ACP3: variants seen among roughly 807,000 people sequenced by gnomAD.
The protein encoded by ACP3 is acid phosphatase 3, also known as prostatic acid phosphatase.
A neutral mutation model predicts 45.6 loss-of-function variants in ACP3; 38 were observed. The observed-to-expected ratio is 0.83, with a 90% CI of 0.64 to 1.09. The LOEUF (loss-of-function observed/expected upper bound fraction) is 1.09, where lower values mean the gene tolerates loss of function less well. ACP3 is among the 50% of genes least tolerant of loss of function. The probability of loss-of-function intolerance (pLI) is 0.00; values close to 1 mark genes in which losing one functional copy is unlikely to be tolerated. For synonymous variants in ACP3, 162 were observed against 164.7 expected (o/e 0.98, Z 0.13); for missense variants, 466 against 463.2 (o/e 1.01, Z -0.05).
At chr3:132,360,922 A>G (rs988315080), downstream of ACP3, among the ~76,000 whole-genome samples, 1 of 152,204 alleles carries the variant, frequency 6.6e-6, no homozygotes, top group African/African-American at 2.4e-5. Context: ...CTAACTGAAT[A>G]CATGTCCAGC....
rs755615131 is a variant in ACP3 at position 132,317,525 on chromosome 3, T to C, written c.69T>C (p.Phe23=). 8.7e-6 allele frequency: 14 copies of C among 1,613,732 alleles called. No individual in the cohort carries two copies. The highest frequency in any genetic ancestry group is 1.2e-5 in the Non-Finnish European group (14 of 1,179,882). The change falls in exon 1 of 10, where the codon TTT becomes TTC. Residue 23 remains phenylalanine (F), a synonymous_variant. Transcript: ENST00000336375. The part of the protein sequence containing the change: ...SLSLGFLFLL[F]FWLDRSVLAK... ...GCCTTGGCTTCTTGTTTCTGCTTTT[T>C]TTCTGGCTAGACCGAAGTGTACTAG...
rs150662492 is a variant in ACP3, at chr3:132,331,773, A to T, written c.303+40A>T. 1,809 of 1,471,648 alleles carry T rather than the reference A, an allele frequency of 1.2e-3. 16 individuals are homozygous for T. In the African/African-American group the frequency reaches 0.022, roughly 18 times the overall value. The allele number at this position is 1,471,648 out of a possible 1,614,324, so 91.2% of individuals were successfully genotyped here. A position where few individuals can be genotyped will look rare whatever the true frequency, so the allele number is the denominator to read the frequency against. On this transcript the variant is annotated intron_variant, in intron 3 of 9. Transcript: ENST00000336375. ...CAAGAGTGGGAACTTTGATCTTTGA[A>T]ATAATTAAAATAATTCTGCATATAT... is the stretch of plus-strand genomic sequence containing the variant.
At chr3:132,363,942 A>C (rs1353215816) in intron 10 of ACP3, among the ~76,000 whole-genome samples, 1 of 152,162 alleles carries the variant, frequency 6.6e-6, no homozygotes, top group Admixed American at 6.5e-5. Context: ...ATCTCAAAAA[A>C]TAAATAAATA....
At chr3:132,336,742 G>GA (rs900339845) in intron 4 of ACP3, among the ~76,000 whole-genome samples, 8 of 151,438 alleles carry the variant, frequency 5.3e-5, no homozygotes, top group South Asian at 2.1e-4. Context: ...AAATTTGAGG[G>GA]AAAAAAAATG....
chr3:132,337,719 A>G (rs751994263), intron 5 of ACP3, among the ~76,000 whole-genome samples, 165 bp downstream of exon 5: 40 of 152,216 alleles, frequency 2.6e-4, no homozygotes, highest in Admixed American at 4.6e-4. Flanking sequence ...GAGGGAGGTC[A>G]TCACTCCTGC....
intron 8 of ACP3, among the ~76,000 whole-genome samples, chr3:132,351,866 AGG>A (rs1337151611): frequency 6.6e-6 from 1 of 152,188 alleles, no homozygotes; most frequent in Admixed American, 6.5e-5. Context: ...AGTGGCAGAA[AGG>A]GGGTTGAAAA....
At chr3:132,325,265 T>C (rs565534249) in intron 1 of ACP3, among the ~76,000 whole-genome samples, 1 of 152,344 alleles carries the variant, frequency 6.6e-6, no homozygotes, top group East Asian at 1.9e-4. Context: ...GAATGGTTTA[T>C]TAAGTGTTTC....
intron 1 of ACP3, among the ~76,000 whole-genome samples, chr3:132,326,024 T>G (rs1308524049): frequency 2.0e-5 from 3 of 152,176 alleles, no homozygotes; most frequent in East Asian, 3.9e-4. Context: ...GTAAATTATT[T>G]TATTACAATG....
chr3:132,349,376 A>G (rs1413505160), intron 7 of ACP3, among the ~76,000 whole-genome samples: 1 of 152,200 alleles, frequency 6.6e-6, no homozygotes, highest in African/African-American at 2.4e-5. Context: ...TCCACAGAGA[A>G]TAGTCCATGA....
At chr3:132,330,354 T>C (rs1257689458) in intron 2 of ACP3, among the ~76,000 whole-genome samples, 1 of 152,092 alleles carries the variant, frequency 6.6e-6, no homozygotes, top group African/African-American at 2.4e-5. Flanking sequence ...AGATCAGTGG[T>C]TTTTAAAGTG....
intron 10 of ACP3, among the ~76,000 whole-genome samples, chr3:132,366,631 T>G (rs1206228447): frequency 1.3e-5 from 2 of 152,168 alleles, no homozygotes; most frequent in African/African-American, 4.8e-5. Context: ...GATCAAGAGT[T>G]CAGTTTTGGA....
chr3:132,327,045 A>T (rs972756591), intron 1 of ACP3, among the ~76,000 whole-genome samples: 1 of 152,240 alleles, frequency 6.6e-6, no homozygotes. Flanking sequence ...GAAATGTGCA[A>T]TCACAATAGC....
Position 132,358,438 on chromosome 3 carries a change from C to G in ACP3, c.*1560C>G. ...ACAGGTCCTGCTGAAACTGCCCACT[C>G]TGCAAGAAGAAATCATGATATAGCT... On this transcript the variant is annotated 3_prime_UTR_variant, in exon 10 of 10. Coordinates refer to ENST00000336375, the MANE Select transcript of ACP3 (RefSeq NM_001099.5). 1 of 1,274,218 alleles carries G rather than the reference C, an allele frequency of 7.8e-7. No individual in the cohort carries two copies. The highest frequency in any genetic ancestry group is 1.0e-6 in the Non-Finnish European group (1 of 980,032). The allele number at this position is 1,274,218 out of a possible 1,614,324, so 78.9% of individuals were successfully genotyped here. A position where few individuals can be genotyped will look rare whatever the true frequency, so the allele number is the denominator to read the frequency against.
chr3:132,331,783 A>T (rs776274518), intron 3 of ACP3, 50 bp downstream of exon 3: 2 of 1,421,568 alleles, frequency 1.4e-6, no homozygotes, highest in Non-Finnish European at 2.0e-6. Flanking sequence ...AATAATTAAA[A>T]TAATTCTGCA....
intron 1 of ACP3, among the ~76,000 whole-genome samples, chr3:132,318,501 CTT>C (rs148179427): frequency 1.4e-5 from 2 of 139,710 alleles, no homozygotes; most frequent in African/African-American, 2.6e-5. Flanking sequence ...AAAGTTCAGG[CTT>C]TTTTTTTTTT....
At chr3:132,334,212 T>C (rs1438721785) in intron 4 of ACP3, among the ~76,000 whole-genome samples, 1 of 152,116 alleles carries the variant, frequency 6.6e-6, no homozygotes, top group Non-Finnish European at 1.5e-5. Context: ...CAGGTGCTAG[T>C]AGAAGAGGAG....
intron 1 of ACP3, among the ~76,000 whole-genome samples, chr3:132,319,265 G>A (rs1210286595): frequency 6.6e-6 from 1 of 152,068 alleles, no homozygotes; most frequent in Admixed American, 6.5e-5. Flanking sequence ...GACTATAAGT[G>A]GTTAATTTAT....
intron 4 of ACP3, among the ~76,000 whole-genome samples, chr3:132,337,057 C>A (rs575843129): frequency 7.0e-6 from 1 of 143,524 alleles, no homozygotes; most frequent in Non-Finnish European, 1.5e-5. Flanking sequence ...TACATACATG[C>A]GTTGGGGTGT....
intron 3 of ACP3, 55 bp downstream of exon 3, chr3:132,331,788 T>A: frequency 1.4e-6 from 2 of 1,416,498 alleles, no homozygotes; most frequent in South Asian, 2.5e-5. Flanking sequence ...TTAAAATAAT[T>A]CTGCATATAT....
Sources: gnomAD v4.1 joint callset for allele counts (sites outside exome capture counted in the v4.1 genomes callset) on GRCh38, gnomAD v4.1.1 for gene constraint, MANE v1.5 for transcripts, NCBI Gene and HGNC (gene_info 2026-07-23, HGNC 2026-07-21) for gene names.